HIF1AN: variants seen among roughly 807,000 people sequenced by gnomAD.
The protein encoded by HIF1AN is hypoxia-inducible factor 1-alpha inhibitor.
A neutral mutation model predicts 47.7 loss-of-function variants in HIF1AN; 21 were observed. That is an observed-to-expected ratio of 0.44 (90% CI 0.31 to 0.63). HIF1AN has a LOEUF of 0.63. Ranked by LOEUF, HIF1AN falls within the 30% of genes least tolerant of loss-of-function variation. The pLI is 0.07. For missense variants in HIF1AN, 320 were observed against 432.7 expected, an observed-to-expected ratio of 0.74 and a Z score of 2.31; for synonymous variants, 152 against 155.9, an observed-to-expected ratio of 0.98 and a Z score of 0.18.
At chr10:100,540,608 T>C (rs572476281) in intron 2 of HIF1AN, 26 bp from the exon 3 acceptor site, 2 of 1,613,138 alleles carry the variant, frequency 1.2e-6, no homozygotes, top group Non-Finnish European at 8.5e-7. Context: ...CATGCACTAA[T>C]AGGATTTTCT....
Position 100,536,494 on chromosome 10 carries a change from T to G in HIF1AN, c.261T>G (p.Asn87Lys). The G allele has an allele frequency of 6.2e-7, 1 of 1,614,128 alleles. No homozygotes were observed. Among genetic ancestry groups the G allele is most frequent in the Non-Finnish European group, 8.5e-7 (1 of 1,180,026 alleles). ...DLEYLQENIG[N>K]GDFSVYSAST... ...AATACCTGCAAGAGAATATTGGCAA[T>G]GGAGACTTCTCTGTGTACAGTGCCA... Residue 87 changes from asparagine (N) to lysine (K), a missense_variant, in exon 2 of 8, where the codon AAT becomes AAG. Transcript: ENST00000299163.
chr10:100,548,188 C>T lies in HIF1AN; in HGVS notation c.*51C>T, dbSNP rs370691955. On this transcript the variant is annotated 3_prime_UTR_variant, in exon 8 of 8. Coordinates refer to ENST00000299163, the MANE Select transcript of HIF1AN (RefSeq NM_017902.3). ...CAGGTGACTGCTATCCCGTCCACAC[C>T]GCTTCATTGATGAGGACAGGAGACT... is the stretch of plus-strand genomic sequence containing the variant. 3.0e-4 allele frequency: 446 copies of T among 1,500,324 alleles called. 1 individual carries two copies. Among genetic ancestry groups the T allele is most frequent in the Middle Eastern group, 2.1e-3 (12 of 5,664 alleles). 92.9% of individuals were successfully genotyped at this position (1,500,324 alleles called of 1,614,324 possible).
chr10:100,538,083 A>C (rs1852250222), intron 2 of HIF1AN, among the ~76,000 whole-genome samples: 1 of 152,254 alleles, frequency 6.6e-6, no homozygotes, highest in African/African-American at 2.4e-5. Flanking sequence ...ATACCCAAGA[A>C]TAAGCATAAG....
In HIF1AN at chr10:100,551,494, G is replaced by A. The variant is rs1843159204; in HGVS notation, c.*3357G>A. On this transcript the variant is annotated 3_prime_UTR_variant, in exon 8 of 8. Coordinates refer to ENST00000299163, the MANE Select transcript of HIF1AN (RefSeq NM_017902.3). ...GTATTGCCACAAGTGGGCAGAGCTT[G>A]TATTTCTTAACAAAGATTAGGGACC... The A allele has an allele frequency of 1.3e-5, 2 of 152,208 alleles. No individual in the cohort carries two copies. Among genetic ancestry groups the A allele is most frequent in the African/African-American group, 2.4e-5 (1 of 41,452 alleles). 9.4% of individuals were successfully genotyped at this position (152,208 alleles called of 1,614,324 possible).
chr10:100,543,017 C>G (rs1223134568), intron 3 of HIF1AN, among the ~76,000 whole-genome samples: 1 of 151,906 alleles, frequency 6.6e-6, no homozygotes, highest in African/African-American at 2.4e-5. Flanking sequence ...GGTGAATAAC[C>G]TGGGTTGAAC....
chr10:100,545,494 A>C (rs1374374867), intron 4 of HIF1AN: 1 of 209,838 alleles, frequency 4.8e-6, no homozygotes, highest in African/African-American at 2.3e-5. Flanking sequence ...ATGTTGTTTA[A>C]TGTATTTCCT....
At position 100,554,009 on chromosome 10, in the gene HIF1AN, A is replaced by G. The variant is rs889343096; in HGVS notation, c.*5872A>G. 6 of 151,768 alleles carry G rather than the reference A, an allele frequency of 4.0e-5. No homozygotes were observed. Among genetic ancestry groups the G allele is most frequent in the African/African-American group, 1.4e-4 (6 of 41,426 alleles). The allele number at this position is 151,768 out of a possible 1,614,324, so 9.4% of individuals were successfully genotyped here. Reference sequence around the variant, plus strand: ...TTTCTCTCTCAAGAAAAGCATAGGGAAAAACGAGAAACACCTTAGATAAAC... The same window carrying G: ...TTTCTCTCTCAAGAAAAGCATAGGGGAAAACGAGAAACACCTTAGATAAAC... On this transcript the variant is annotated 3_prime_UTR_variant, in exon 8 of 8. Coordinates refer to ENST00000299163, the MANE Select transcript of HIF1AN (RefSeq NM_017902.3).
intron 3 of HIF1AN, among the ~76,000 whole-genome samples, chr10:100,543,166 T>C (rs12219158): frequency 0.2 from 31,033 of 152,076 alleles, 3,290 homozygotes; most frequent in South Asian, 0.23. Flanking sequence ...TGTGAATTGA[T>C]ACCACCTGCC....
intron 5 of HIF1AN, 139 bp from the exon 6 acceptor site, chr10:100,546,379 A>G: frequency 1.4e-6 from 1 of 699,538 alleles, no homozygotes; most frequent in Non-Finnish European, 2.5e-6. Context: ...GGATGAGTGT[A>G]AAGATATTGT....
intron 3 of HIF1AN, among the ~76,000 whole-genome samples, chr10:100,542,846 GTTTTTT>G (rs397730143): frequency 1.3e-4 from 15 of 111,762 alleles, no homozygotes; most frequent in East Asian, 1.3e-3. Context: ...ATGTGAATGT[GTTTTTT>G]TTTTTTTTTT....
In HIF1AN at chr10:100,549,437, T is replaced by G. The variant is rs1404479574; in HGVS notation, c.*1300T>G. 6.6e-6 allele frequency: 1 copy of G among 152,234 alleles called. No homozygotes were observed. The highest frequency in any genetic ancestry group is 1.5e-5 in the Non-Finnish European group (1 of 68,084). 9.4% of individuals were successfully genotyped at this position (152,234 alleles called of 1,614,324 possible). On this transcript the variant is annotated 3_prime_UTR_variant, in exon 8 of 8. Transcript: ENST00000299163. ...CGGGCAAACACATAGGCTTGCGTCT[T>G]AAAGCCAGCTCCTCTGCCAGACCCC...
rs1843137066 is a variant in HIF1AN at position 100,549,768 on chromosome 10, T to G, written c.*1631T>G. 1 of 149,416 alleles carries G rather than the reference T, an allele frequency of 6.7e-6. No individual in the cohort carries two copies. The highest frequency in any genetic ancestry group is 2.1e-4 in the South Asian group (1 of 4,786). 9.3% of individuals were successfully genotyped at this position (149,416 alleles called of 1,614,324 possible). On this transcript the variant is annotated 3_prime_UTR_variant, in exon 8 of 8. Transcript: ENST00000299163. ...GTTTTCTTTTCTTTTTTTTTTTTTT[T>G]GCCAAAGGTTTACTTCCAGCATCTG...
At position 100,556,627 on chromosome 10, in the gene HIF1AN, A is replaced by G. The variant is rs554025043; in HGVS notation, c.*8490A>G. 1 of 152,378 alleles carries G rather than the reference A, an allele frequency of 6.6e-6. No individual in the cohort carries two copies. The highest frequency in any genetic ancestry group is 2.1e-4 in the South Asian group (1 of 4,832). 9.4% of individuals were successfully genotyped at this position (152,378 alleles called of 1,614,324 possible). A position where few individuals can be genotyped will look rare whatever the true frequency, so the allele number is the denominator to read the frequency against. ...ATCATATTTGAACAAAACCCCACCT[A>G]CAGTCTGCATGGTCATTGTTCTCAC... On this transcript the variant is annotated 3_prime_UTR_variant, in exon 8 of 8. Coordinates refer to ENST00000299163, the MANE Select transcript of HIF1AN (RefSeq NM_017902.3).
Position 100,548,426 on chromosome 10 carries a change from A to G in HIF1AN, c.*289A>G, listed in dbSNP as rs963610991. On this transcript the variant is annotated 3_prime_UTR_variant, in exon 8 of 8. Coordinates refer to ENST00000299163, the MANE Select transcript of HIF1AN (RefSeq NM_017902.3). ...GGAGTCCCAGCTTTTGGTTGTCATCATGTCTGTGTGTATGTTAGTCTGTCA... is the reference window on the plus strand; with the variant it reads ...GGAGTCCCAGCTTTTGGTTGTCATCGTGTCTGTGTGTATGTTAGTCTGTCA... 9.9e-6 allele frequency: 4 copies of G among 405,948 alleles called. No individual in the cohort carries two copies. Among genetic ancestry groups the G allele is most frequent in the African/African-American group, 8.2e-5 (4 of 48,550 alleles). 25.1% of individuals were successfully genotyped at this position (405,948 alleles called of 1,614,324 possible).
chr10:100,557,553 A>T lies in HIF1AN; in HGVS notation c.*9416A>T, dbSNP rs558914901. On this transcript the variant is annotated 3_prime_UTR_variant, in exon 8 of 8. Coordinates refer to ENST00000299163, the MANE Select transcript of HIF1AN (RefSeq NM_017902.3). ...CCTCCACCTCCTCCAGGTTCAAGCAATTCTGCCTCAGCCTCCCGAGTAGCT... is the reference window on the plus strand; with the variant it reads ...CCTCCACCTCCTCCAGGTTCAAGCATTTCTGCCTCAGCCTCCCGAGTAGCT... 6.6e-6 allele frequency: 1 copy of T among 152,120 alleles called. No homozygotes were observed. Among genetic ancestry groups the T allele is most frequent in the African/African-American group, 2.4e-5 (1 of 41,388 alleles). The allele number at this position is 152,120 out of a possible 1,614,324, so 9.4% of individuals were successfully genotyped here.
chr10:100,537,144 G>A (rs890287583), intron 2 of HIF1AN, among the ~76,000 whole-genome samples: 1 of 152,134 alleles, frequency 6.6e-6, no homozygotes, highest in African/African-American at 2.4e-5. Flanking sequence ...CCTGGGAAAC[G>A]TGGTGAGAGC....
At position 100,536,072 on chromosome 10, in the gene HIF1AN, G is replaced by T; in HGVS notation, c.114G>T (p.Pro38=). Residue 38 remains proline (P), a synonymous_variant, in exon 1 of 8, where the codon CCG becomes CCT. Coordinates refer to ENST00000299163, the MANE Select transcript of HIF1AN (RefSeq NM_017902.3). ...CCCAGTTGCGCAGTTATAGCTTCCC[G>T]ACTAGGCCCATTCCGCGTCTGAGTC... ...DESQLRSYSF[P]TRPIPRLSQS... 1 of 1,612,610 alleles carries T rather than the reference G, an allele frequency of 6.2e-7. No homozygotes were observed. The highest frequency in any genetic ancestry group is 8.5e-7 in the Non-Finnish European group (1 of 1,179,578).
At chr10:100,547,078 C>CTT in intron 6 of HIF1AN, 62 bp from the exon 7 acceptor site, 1 of 1,186,860 alleles carries the variant, frequency 8.4e-7, no homozygotes, top group East Asian at 2.5e-5. Flanking sequence ...GTACTAAGAA[C>CTT]AGTAGAGTGA....
chr10:100,548,891 TTCTC>T lies in HIF1AN; in HGVS notation c.*758_*761del, dbSNP rs1048386085. 5 of 152,608 alleles carry T rather than the reference TTCTC, an allele frequency of 3.3e-5. No homozygotes were observed. Among genetic ancestry groups the T allele is most frequent in the Admixed American group, 6.5e-5 (1 of 15,290 alleles). 9.5% of individuals were successfully genotyped at this position (152,608 alleles called of 1,614,324 possible). On this transcript the variant is annotated 3_prime_UTR_variant, in exon 8 of 8. Transcript: ENST00000299163. ...GTTCTAAATTAGAGACACATATAGT[TTCTC>T]TCTTTCAGCACCAGCTCTTGCCCCT...
Sources: allele counts gnomAD v4.1 joint callset (sites outside exome capture counted in the v4.1 genomes callset), GRCh38; gene constraint gnomAD v4.1.1; transcripts MANE v1.5; gene names NCBI Gene and HGNC (gene_info 2026-07-23, HGNC 2026-07-21).